Variants in UTS2B observed in about 807,000 individuals in gnomAD.
UTS2B encodes urotensin 2B, also known as urotensin-2B.
Under a neutral mutation model 19.2 loss-of-function variants are expected in UTS2B, and 21 were observed. That is an observed-to-expected ratio of 1.09 (90% CI 0.78 to 1.58). UTS2B has a LOEUF of 1.58. UTS2B is among the 40% of genes most tolerant of loss of function. UTS2B has a pLI of 0.00. For missense variants in UTS2B, 138 were observed against 130.3 expected (o/e 1.06, Z -0.29); for synonymous variants, 57 against 50.2 (o/e 1.14, Z -0.58).
At chr3:191,289,253 T>TA (rs1312524097) in intron 4 of UTS2B, among the ~76,000 whole-genome samples, 2 of 151,322 alleles carry the variant, frequency 1.3e-5, no homozygotes, top group Non-Finnish European at 3.0e-5. Flanking sequence ...ACTAAAAATA[T>TA]AAAAAATTAG....
the UTS2B span, among the ~76,000 whole-genome samples, chr3:191,342,472 G>A: frequency 3.9e-5 from 6 of 152,268 alleles, no homozygotes; most frequent in Middle Eastern, 3.4e-3. Flanking sequence ...AATAGAACTT[G>A]CAGTAGCTGG....
the UTS2B span, among the ~76,000 whole-genome samples, chr3:191,339,433 A>G: frequency 6.6e-6 from 1 of 152,136 alleles, no homozygotes; most frequent in Non-Finnish European, 1.5e-5. Context: ...TATAGCAGAA[A>G]AGGATTTGGA....
At chr3:191,281,910 C>A (rs567689455) in intron 5 of UTS2B, among the ~76,000 whole-genome samples, 177 bp downstream of exon 5, 1 of 151,960 alleles carries the variant, frequency 6.6e-6, no homozygotes, top group Non-Finnish European at 1.5e-5. Flanking sequence ...TTGAAAAGAA[C>A]AGCATTGAAG....
chr3:191,323,131 G>GTTATTTTATTTTATT (rs1262567418), intron 2 of UTS2B, among the ~76,000 whole-genome samples: 31 of 82,602 alleles, frequency 3.8e-4, no homozygotes, highest in Non-Finnish European at 7.6e-4. Context: ...TTTCAGTGCT[G>GTTATTTTATTTTATT]TTATTTTATT....
intron 6 of UTS2B, 150 bp from the exon 7 acceptor site, chr3:191,276,994 G>C (rs968017753): frequency 9.9e-6 from 6 of 603,866 alleles, no homozygotes; most frequent in Non-Finnish European, 1.4e-5. Flanking sequence ...AAAACCTCCA[G>C]TATATTTCTC....
At chr3:191,327,047 T>G (rs1406794443) in intron 2 of UTS2B, among the ~76,000 whole-genome samples, 7 of 152,266 alleles carry the variant, frequency 4.6e-5, no homozygotes, top group Non-Finnish European at 1.0e-4. Flanking sequence ...ATGCATATCT[T>G]ACTGTAAGCA....
At chr3:191,322,364 G>A (rs2108614573) in intron 2 of UTS2B, among the ~76,000 whole-genome samples, 1 of 152,270 alleles carries the variant, frequency 6.6e-6, no homozygotes, top group South Asian at 2.1e-4. Context: ...GCAAAACAAT[G>A]TTTCAAACAT....
At chr3:191,318,624 C>T (rs1248147086) in intron 2 of UTS2B, among the ~76,000 whole-genome samples, 1 of 152,134 alleles carries the variant, frequency 6.6e-6, no homozygotes, top group African/African-American at 2.4e-5. Flanking sequence ...TGCACACCAC[C>T]ATGTCCGGCT....
In UTS2B at chr3:191,318,415, G is replaced by T. The variant is rs1717524340; in HGVS notation, c.-585-1976C>A. Among the ~76,000 whole-genome samples the T allele has an allele frequency of 3.3e-5, 5 of 150,474 alleles. 1 individual carries two copies. The highest frequency in any genetic ancestry group is 5.9e-5 in the Non-Finnish European group (4 of 67,748). ...CCTCCTGCAGAAAAGTTGACTGAATGGTTCATCCTTTAAATTGGGTTGCAA... is the reference window on the plus strand; with the variant it reads ...CCTCCTGCAGAAAAGTTGACTGAATTGTTCATCCTTTAAATTGGGTTGCAA... On this transcript the variant is annotated intron_variant, in intron 2 of 8. Coordinates refer to ENST00000340524, the MANE Select transcript of UTS2B (RefSeq NM_198152.5).
intron 8 of UTS2B, among the ~76,000 whole-genome samples, chr3:191,269,334 C>T (rs1390431330): frequency 1.3e-5 from 2 of 152,182 alleles, no homozygotes; most frequent in Admixed American, 6.5e-5. Context: ...CTTATCACCA[C>T]ATATAAACAG....
Position 191,268,310 on chromosome 3 carries a change from C to A in UTS2B, c.*106G>T, listed in dbSNP as rs1715997031. The A allele has an allele frequency of 8.4e-6, 7 of 835,032 alleles. No individual in the cohort carries two copies. The highest frequency in any genetic ancestry group is 1.1e-5 in the Non-Finnish European group (6 of 544,764). 51.7% of individuals were successfully genotyped at this position (835,032 alleles called of 1,614,324 possible). On this transcript the variant is annotated 3_prime_UTR_variant, in exon 9 of 9. Transcript: ENST00000340524. ...TTTACAATAATCAGGAGCATTTCAT[C>A]TTTTATTCCACAGCAATAGTTTCAG...
At chr3:191,274,290 T>C (rs970041749) in intron 8 of UTS2B, among the ~76,000 whole-genome samples, 2 of 152,198 alleles carry the variant, frequency 1.3e-5, no homozygotes, top group African/African-American at 4.8e-5. Context: ...GGGATTCATG[T>C]AGAAAATAAT....
At chr3:191,292,787 T>C (rs1289399573) in intron 4 of UTS2B, among the ~76,000 whole-genome samples, 3 of 152,176 alleles carry the variant, frequency 2.0e-5, no homozygotes, top group Non-Finnish European at 4.4e-5. Flanking sequence ...TAATTCTGGA[T>C]TTTTTTGTAG....
intron 5 of UTS2B, among the ~76,000 whole-genome samples, chr3:191,281,710 ATC>A (rs1435201870): frequency 8.3e-6 from 1 of 120,834 alleles, no homozygotes; most frequent in South Asian, 2.8e-4. Context: ...TAAGATGAAA[ATC>A]TCCTTTTCCT....
At chr3:191,280,490 A>G (rs1208950672) in intron 5 of UTS2B, among the ~76,000 whole-genome samples, 1 of 152,174 alleles carries the variant, frequency 6.6e-6, no homozygotes, top group African/African-American at 2.4e-5. Context: ...AGTGGATATA[A>G]AAAATGTATA....
intron 2 of UTS2B, among the ~76,000 whole-genome samples, chr3:191,321,237 A>C (rs1717603159): frequency 6.6e-6 from 1 of 152,198 alleles, no homozygotes; most frequent in Non-Finnish European, 1.5e-5. Flanking sequence ...TGTACAGTAC[A>C]GTGGCAGTCA....
At chr3:191,341,090 G>A in the UTS2B span, among the ~76,000 whole-genome samples, 1 of 152,086 alleles carries the variant, frequency 6.6e-6, no homozygotes, top group East Asian at 1.9e-4. Context: ...CCTGCACTGG[G>A]ATCATTTCTG....
In UTS2B at chr3:191,278,142, A is replaced by G. The variant is rs1225498855; in HGVS notation, c.132T>C (p.Tyr44=). The part of the protein sequence containing the change: ...QGNEIFPDKK[Y]TNREELLLAL... ...CCAGCAATAGTTCCTCACGATTTGTATATTTTTTATCTGGAAATATTTCAT... is the reference window on the plus strand; with the variant it reads ...CCAGCAATAGTTCCTCACGATTTGTGTATTTTTTATCTGGAAATATTTCAT... Residue 44 remains tyrosine, a synonymous_variant, in exon 6 of 9, where the codon TAT becomes TAC. Transcript: ENST00000340524. 6.4e-7 allele frequency: 1 copy of G among 1,554,000 alleles called. No homozygotes were observed. Among genetic ancestry groups the G allele is most frequent in the East Asian group, 2.4e-5 (1 of 42,542 alleles).
chr3:191,301,610 C>T (rs1190783490), intron 4 of UTS2B, among the ~76,000 whole-genome samples: 1 of 151,502 alleles, frequency 6.6e-6, no homozygotes, highest in Non-Finnish European at 1.5e-5. Context: ...CCTCAACCTC[C>T]CGAGTAGCTG....
Sources: gnomAD v4.1 joint callset for allele counts (sites outside exome capture counted in the v4.1 genomes callset) on GRCh38, gnomAD v4.1.1 for gene constraint, MANE v1.5 for transcripts, NCBI Gene and HGNC (gene_info 2026-07-23, HGNC 2026-07-21) for gene names.